The following MDC1 variants were observed in gnomAD, a reference collection of about 807,000 sequenced individuals.
The protein encoded by MDC1 is mediator of DNA damage checkpoint 1, also known as mediator of DNA damage checkpoint protein 1.
MDC1 carries 81 observed loss-of-function variants against 142.5 expected under a neutral mutation model. That is an observed-to-expected ratio of 0.57 (90% CI 0.47 to 0.68). The LOEUF (loss-of-function observed/expected upper bound fraction) is 0.68, where lower values mean the gene tolerates loss of function less well. MDC1 is among the 30% of genes least tolerant of loss of function. The probability of loss-of-function intolerance (pLI) is 0.00; values close to 1 mark genes in which losing one functional copy is unlikely to be tolerated. For missense variants in MDC1, 2,119 were observed against 2,547.9 expected, an observed-to-expected ratio of 0.83 and a Z score of 3.62; for synonymous variants, 797 against 968.4, an observed-to-expected ratio of 0.82 and a Z score of 3.29.
chr6:30,702,438 A>T, intron 14 of MDC1, 115 bp downstream of exon 14: 1 of 766,158 alleles, frequency 1.3e-6, no homozygotes, highest in Non-Finnish European at 2.0e-6. Flanking sequence ...CCACCCTCTC[A>T]CTACTTTATA....
Position 30,713,064 on chromosome 6 carries a change from T to C in MDC1, c.878A>G (p.Gln293Arg). The part of the protein sequence containing the change: ...VPAGVILERS[Q>R]PPGEDSDTDV... ...TGTGTCACTGTCCTCTCCAGGAGGT[T>C]GGCTCCTCTCCAGAATCACCCCAGC... is the stretch of plus-strand genomic sequence containing the variant. Residue 293 changes from glutamine to arginine, a missense_variant, in exon 5 of 15, where the codon CAA becomes CGA. By Grantham distance (43) the Gln-to-Arg change is conservative (BLOSUM62 1). Transcript: ENST00000376406. This position sits in a 1 kb window ranked among gnomAD's most constrained non-coding sequence, Gnocchi z 4.9. 1 of 1,613,108 alleles carries C rather than the reference T, an allele frequency of 6.2e-7. No homozygotes were observed.
rs1245943040 is a variant in MDC1, at chr6:30,709,771, G to A, written c.2222-1414C>T. Among the ~76,000 whole-genome samples, 1 of 150,300 alleles carries A rather than the reference G, an allele frequency of 6.7e-6. No individual in the cohort carries two copies. The highest frequency in any genetic ancestry group is 2.4e-5 in the African/African-American group (1 of 41,370). Reference sequence around the variant, plus strand: ...GTGAGCATACAATATTTGCCTTTCTGTGCTGACTTATTTCACTTAACATAA... The same window carrying A: ...GTGAGCATACAATATTTGCCTTTCTATGCTGACTTATTTCACTTAACATAA... On this transcript the variant is annotated intron_variant, in intron 7 of 14. Transcript: ENST00000376406. The surrounding 1 kb of genome is among the most constrained non-coding windows in gnomAD (Gnocchi z 4.2).
chr6:30,717,075 T>G (rs934112766), intron 1 of MDC1, 170 bp downstream of exon 1: 1 of 174,908 alleles, frequency 5.7e-6, no homozygotes, highest in Non-Finnish European at 1.1e-5. Context: ...TCTCCCTGTG[T>G]CTTCATACCT....
intron 7 of MDC1, among the ~76,000 whole-genome samples, 168 bp downstream of exon 7, chr6:30,711,244 T>C (rs1562117160): frequency 6.6e-6 from 1 of 152,056 alleles, no homozygotes; most frequent in Non-Finnish European, 1.5e-5. Flanking sequence ...GGCATGGTCA[T>C]GGACAGCTGT....
At position 30,704,474 on chromosome 6, in the gene MDC1, G is replaced by T; in HGVS notation, c.4709C>A (p.Ser1570Ter). Residue 1570 changes from serine (S) to a stop codon, truncating the protein, a stop_gained, in exon 10 of 15, where the codon TCA becomes TAA. Transcript: ENST00000376406. LOFTEE classifies it high-confidence loss of function. ...AAGCTCAGGGGCTATAGGGACAATT[G>T]ATTCAGGGGTCTTGACAGAGGACCT... ...TNRSSVKTPE[S>*]IVPIAPELQP... is the part of the protein sequence containing the mutation. 6.2e-7 allele frequency: 1 copy of T among 1,612,702 alleles called. No homozygotes were observed. The highest frequency in any genetic ancestry group is 1.1e-5 in the South Asian group (1 of 90,930).
In MDC1 at chr6:30,707,575, G is replaced by A. The variant is rs2127691009; in HGVS notation, c.3004C>T (p.His1002Tyr). The change falls in exon 8 of 15, where the codon CAT (histidine) becomes TAT (tyrosine). Residue 1002 changes from histidine (H) to tyrosine (Y), a missense_variant. Coordinates refer to ENST00000376406, the MANE Select transcript of MDC1 (RefSeq NM_014641.3). ...GRGSPVSPRRHQKGLLNCKMP... is the reference protein window; with the variant it reads ...GRGSPVSPRRYQKGLLNCKMP... Reference sequence around the variant, plus strand: ...CTCTGCCTTCACTTACCTTTCTGATGCCTCCTGGGGCTCACTGGGGATCCC... The same window carrying A: ...CTCTGCCTTCACTTACCTTTCTGATACCTCCTGGGGCTCACTGGGGATCCC... The A allele has an allele frequency of 6.2e-7, 1 of 1,611,360 alleles. No individual in the cohort carries two copies. The highest frequency in any genetic ancestry group is 8.5e-7 in the Non-Finnish European group (1 of 1,178,670).
In MDC1 at chr6:30,715,214, T is replaced by C. The variant is rs1276925337; in HGVS notation, c.-3-36A>G. 6.2e-7 allele frequency: 1 copy of C among 1,613,028 alleles called. No individual in the cohort carries two copies. The highest frequency in any genetic ancestry group is 1.7e-5 in the Admixed American group (1 of 60,004). On this transcript the variant is annotated intron_variant, in intron 1 of 14. Transcript: ENST00000376406. The surrounding 1 kb of genome is among the most constrained non-coding windows in gnomAD (Gnocchi z 4.1). Reference sequence around the variant, plus strand: ...TACACATTATCAATTATCCTCATTATTGGTTCACACAAACAGCATCAGAGT... The same window carrying C: ...TACACATTATCAATTATCCTCATTACTGGTTCACACAAACAGCATCAGAGT...
Position 30,713,749 on chromosome 6 carries a change from T to C in MDC1, c.518-32A>G, listed in dbSNP as rs1775263527. ...AGAACAGAAAGGAATGAGTTGACAATTGTACACTCATTATTCCTGTCTCCT... is the reference window on the plus strand; with the variant it reads ...AGAACAGAAAGGAATGAGTTGACAACTGTACACTCATTATTCCTGTCTCCT... On this transcript the variant is annotated intron_variant, in intron 3 of 14. Transcript: ENST00000376406. This position sits in a 1 kb window ranked among gnomAD's most constrained non-coding sequence, Gnocchi z 4.9. The C allele has an allele frequency of 6.2e-7, 1 of 1,613,842 alleles. No individual in the cohort carries two copies. The highest frequency in any genetic ancestry group is 8.5e-7 in the Non-Finnish European group (1 of 1,179,898).
Position 30,705,159 on chromosome 6 carries a change from C to G in MDC1, c.4024G>C (p.Val1342Leu), listed in dbSNP as rs368435899. Residue 1342 changes from valine (V) to leucine (L), a missense_variant, in exon 10 of 15, where the codon GTC becomes CTC. By Grantham distance (32) the Val-to-Leu change is conservative. Coordinates refer to ENST00000376406, the MANE Select transcript of MDC1 (RefSeq NM_014641.3). ...LQISTSTDQPVTPKPTSRTTR... is the reference protein window; with the variant it reads ...LQISTSTDQPLTPKPTSRTTR... Reference sequence around the variant, plus strand: ...GTCCGAGATGTGGGCTTAGGGGTGACAGGTTGGTCTGTGGAGGTGGAAATC... The same window carrying G: ...GTCCGAGATGTGGGCTTAGGGGTGAGAGGTTGGTCTGTGGAGGTGGAAATC... 3 of 1,605,678 alleles carry G rather than the reference C, an allele frequency of 1.9e-6. No individual in the cohort carries two copies. The highest frequency in any genetic ancestry group is 2.5e-6 in the Non-Finnish European group (3 of 1,176,526).
Position 30,708,115 on chromosome 6 carries a change from C to T in MDC1, c.2464G>A (p.Glu822Lys). The T allele has an allele frequency of 1.2e-6, 2 of 1,613,152 alleles. No homozygotes were observed. Among genetic ancestry groups the T allele is most frequent in the South Asian group, 2.2e-5 (2 of 91,090 alleles). Residue 822 changes from glutamate (E) to lysine (K), a missense_variant, in exon 8 of 15, where the codon GAG becomes AAG. By Grantham distance (56) the Glu-to-Lys change is moderately conservative. Coordinates refer to ENST00000376406, the MANE Select transcript of MDC1 (RefSeq NM_014641.3). The part of the protein sequence containing the change: ...KVMGIPKETA[E>K]RVGPERGPLE... Reference sequence around the variant, plus strand: ...GGCCCTCTCTCAGGGCCCACCCTCTCTGCTGTTTCTTTTGGTATACCCATG... The same window carrying T: ...GGCCCTCTCTCAGGGCCCACCCTCTTTGCTGTTTCTTTTGGTATACCCATG...
In MDC1 at chr6:30,703,940, G is replaced by A. The variant is rs368208651; in HGVS notation, c.5243C>T (p.Pro1748Leu). Residue 1748 changes from proline (P) to leucine (L), a missense_variant, in exon 10 of 15, where the codon CCT (proline) becomes CTT (leucine). Coordinates refer to ENST00000376406, the MANE Select transcript of MDC1 (RefSeq NM_014641.3). The surrounding 1 kb of genome is among the most constrained non-coding windows in gnomAD (Gnocchi z 4.4). ...DHKPCSAPLE[P>L]KSQASRNQRW... ...TTGGTTCCTTGAGGCCTGGGATTTA[G>A]GTTCCAAGGGTGCAGAGCAAGGCTT... 171 of 1,614,196 alleles carry A rather than the reference G, an allele frequency of 1.1e-4. No individual in the cohort carries two copies. The Middle Eastern group carries it at 3.8e-3, about 36-fold the overall frequency.
chr6:30,704,747 T>A lies in MDC1; in HGVS notation c.4436A>T (p.Asp1479Val). The change falls in exon 10 of 15, where the codon GAT becomes GTT. Residue 1479 changes from aspartate (D) to valine (V), a missense_variant. Physicochemically the swap from Asp to Val is radical, Grantham distance 152. Coordinates refer to ENST00000376406, the MANE Select transcript of MDC1 (RefSeq NM_014641.3). ...PTSQATRGRT[D>V]RSSVKTPETV... ...TTCAGGAGTCTTGACAGAGGATCTA[T>A]CTGTTCTTCCCCTAGTAGCCTGAGA... 5 of 1,611,384 alleles carry A rather than the reference T, an allele frequency of 3.1e-6. No homozygotes were observed. The highest frequency in any genetic ancestry group is 4.2e-6 in the Non-Finnish European group (5 of 1,179,202).
In MDC1 at chr6:30,702,780, C is replaced by A. The variant is rs372124226; in HGVS notation, c.5963G>T (p.Ser1988Ile). ...NFGFSLQDAL[S>I]RARERRLLEG... Reference sequence around the variant, plus strand: ...TAGCAGCCTTCGCTCCCGAGCCCTGCTCAGTGCGTCTTGAAGGCTAAAGCC... The same window carrying A: ...TAGCAGCCTTCGCTCCCGAGCCCTGATCAGTGCGTCTTGAAGGCTAAAGCC... Residue 1988 changes from serine (S) to isoleucine (I), a missense_variant, in exon 13 of 15, where the codon AGC becomes ATC. Transcript: ENST00000376406. 289 of 1,613,146 alleles carry A rather than the reference C, an allele frequency of 1.8e-4. 3 individuals carry two copies. The South Asian group carries it at 2.8e-3, about 16-fold the overall frequency.
chr6:30,704,973 G>A lies in MDC1; in HGVS notation c.4210C>T (p.Pro1404Ser). Residue 1404 changes from proline (P) to serine (S), a missense_variant, in exon 10 of 15, where the codon CCT becomes TCT. By Grantham distance (74) the Pro-to-Ser change is moderately conservative (BLOSUM62 -1). Transcript: ENST00000376406. ...GRKNRSSGKTPETLVPTAPKL... is the reference protein window; with the variant it reads ...GRKNRSSGKTSETLVPTAPKL... ...GGGGCTGTGGGGACAAGTGTTTCAG[G>A]GGTCTTGCCAGAGGATCTATTTTTT... 1.9e-6 allele frequency: 3 copies of A among 1,608,442 alleles called. No homozygotes were observed. The highest frequency in any genetic ancestry group is 2.5e-6 in the Non-Finnish European group (3 of 1,177,560).
In MDC1 at chr6:30,712,704, G is replaced by A. The variant is rs764808773; in HGVS notation, c.1238C>T (p.Ala413Val). The change falls in exon 5 of 15, where the codon GCG becomes GTG. Residue 413 changes from alanine (A) to valine (V), a missense_variant. Physicochemically the swap from Ala to Val is moderately conservative, Grantham distance 64. Transcript: ENST00000376406. The surrounding 1 kb of genome is among the most constrained non-coding windows in gnomAD (Gnocchi z 4.7). ...DTDDEEEVSA[A>V]LTLAHLKESQ... Reference sequence around the variant, plus strand: ...CTCTTTCAGATGTGCCAAAGTCAGCGCTGCTGAGACTTCTTCCTCGTCATC... The same window carrying A: ...CTCTTTCAGATGTGCCAAAGTCAGCACTGCTGAGACTTCTTCCTCGTCATC... The A allele has an allele frequency of 1.3e-5, 21 of 1,612,882 alleles. No homozygotes were observed. Among genetic ancestry groups the A allele is most frequent in the South Asian group, 3.3e-5 (3 of 91,072 alleles).
In MDC1 at chr6:30,713,259, G is replaced by C. The variant is rs1775184847; in HGVS notation, c.683C>G (p.Pro228Arg). The change falls in exon 5 of 15, where the codon CCA becomes CGA. Residue 228 changes from proline to arginine, a missense_variant. Coordinates refer to ENST00000376406, the MANE Select transcript of MDC1 (RefSeq NM_014641.3). This position sits in a 1 kb window ranked among gnomAD's most constrained non-coding sequence, Gnocchi z 4.9. The stretch of plus-strand genomic sequence containing the variant: ...AGCTGAGGAGGCCTCCTCTGTGGCT[G>C]GTTGCTGACCTTCTTCCACATCTGT... Reference protein sequence around the residue: ...SDTDVEEGQQPATEEASSAAR... With the variant: ...SDTDVEEGQQRATEEASSAAR... 1.9e-6 allele frequency: 3 copies of C among 1,613,054 alleles called. No individual in the cohort carries two copies. The highest frequency in any genetic ancestry group is 2.2e-5 in the East Asian group (1 of 44,884).
rs757517425 is a variant in MDC1 at position 30,705,687 on chromosome 6, G to A, written c.3496C>T (p.Pro1166Ser). 3.7e-6 allele frequency: 6 copies of A among 1,612,762 alleles called. No homozygotes were observed. The highest frequency in any genetic ancestry group is 8.5e-7 in the Non-Finnish European group (1 of 1,179,398). Residue 1166 changes from proline to serine, a missense_variant, in exon 10 of 15, where the codon CCT (proline) becomes TCT (serine). Physicochemically the swap from Pro to Ser is moderately conservative, Grantham distance 74. Transcript: ENST00000376406. Reference protein sequence around the residue: ...KTPEPVVPTAPELQPSTSTDQ... With the variant: ...KTPEPVVPTASELQPSTSTDQ... ...GTGGAGGTGGAAGGCTGGAGCTCAG[G>A]GGCTGTGGGGACAACTGGTTCAGGG...
At position 30,703,198 on chromosome 6, in the gene MDC1, G is replaced by A; in HGVS notation, c.5771C>T (p.Ser1924Phe). 1 of 1,613,016 alleles carries A rather than the reference G, an allele frequency of 6.2e-7. No individual in the cohort carries two copies. The highest frequency in any genetic ancestry group is 8.5e-7 in the Non-Finnish European group (1 of 1,180,014). ...GCGGATGCGATCAGTGACCAGGTGG[G>A]AAGCCTCTGCCGCTGAACCAGCCAG... is the stretch of plus-strand genomic sequence containing the variant. ...GSLAGSAAEA[S>F]HLVTDRIRRT... The change falls in exon 12 of 15, where the codon TCC becomes TTC. Residue 1924 changes from serine (S) to phenylalanine (F), a missense_variant. Coordinates refer to ENST00000376406, the MANE Select transcript of MDC1 (RefSeq NM_014641.3). The surrounding 1 kb of genome is among the most constrained non-coding windows in gnomAD (Gnocchi z 4.4).
intron 9 of MDC1, among the ~76,000 whole-genome samples, chr6:30,706,485 G>C (rs912416691): frequency 6.6e-6 from 1 of 152,058 alleles, no homozygotes; most frequent in African/African-American, 2.4e-5. Context: ...AGCCGGGCGT[G>C]GTGGCGGGCG....
Sources: gnomAD v4.1 joint callset for allele counts (sites outside exome capture counted in the v4.1 genomes callset) on GRCh38, gnomAD v4.1.1 for gene constraint, Gnocchi (gnomAD v3.1) non-coding constraint, MANE v1.5 for transcripts, NCBI Gene and HGNC (gene_info 2026-07-23, HGNC 2026-07-21) for gene names.